PIEZO1: variants seen among roughly 807,000 people sequenced by gnomAD.
PIEZO1 encodes piezo-type mechanosensitive ion channel component 1.
PIEZO1 carries 296 observed loss-of-function variants against 297.2 expected under a neutral mutation model. That is an observed-to-expected ratio of 1.00 (90% CI 0.91 to 1.10). PIEZO1 has a LOEUF of 1.10. Ranked by LOEUF, PIEZO1 falls within the 50% of genes least tolerant of loss-of-function variation. PIEZO1 has a pLI of 0.00. For missense variants in PIEZO1, 5,018 were observed against 3,455.5 expected, an observed-to-expected ratio of 1.45 and a Z score of -11.34; for synonymous variants, 2,427 against 1,507.5, an observed-to-expected ratio of 1.61 and a Z score of -14.13.
intron 2 of PIEZO1, among the ~76,000 whole-genome samples, chr16:88,746,961 A>C (rs1441906824): frequency 6.6e-6 from 1 of 152,178 alleles, no homozygotes; most frequent in African/African-American, 2.4e-5. Context: ...CACCCCAGCC[A>C]TGCATCCTGG....
At chr16:88,751,294 T>A (rs999261617) in intron 1 of PIEZO1, among the ~76,000 whole-genome samples, 2 of 152,134 alleles carry the variant, frequency 1.3e-5, no homozygotes, top group Non-Finnish European at 2.9e-5. Context: ...TGGTGGGGCC[T>A]CCAGACCCAT....
At chr16:88,762,012 C>T (rs1555561532) in intron 1 of PIEZO1, among the ~76,000 whole-genome samples, 2 of 152,206 alleles carry the variant, frequency 1.3e-5, no homozygotes, top group Non-Finnish European at 1.5e-5. Flanking sequence ...GGGAGGAAAC[C>T]AGGGCTTATC....
intron 1 of PIEZO1, among the ~76,000 whole-genome samples, chr16:88,760,229 G>C (rs61178757): frequency 0.079 from 11,974 of 152,168 alleles, 1,593 homozygotes; most frequent in African/African-American, 0.27. Flanking sequence ...GCTCCCCCGG[G>C]GCGCTGGACC....
chr16:88,735,376 G>A, intron 12 of PIEZO1, 130 bp from the exon 13 acceptor site: 1 of 674,094 alleles, frequency 1.5e-6, no homozygotes, highest in South Asian at 1.7e-5. Flanking sequence ...ATCCACCGCA[G>A]CCTCCCCACA....
Position 88,723,160 on chromosome 16 carries a change from AG to A in PIEZO1, c.4439-10del, listed in dbSNP as rs1196379163. The A allele has an allele frequency of 6.5e-7, 1 of 1,549,384 alleles. No homozygotes were observed. Among genetic ancestry groups the A allele is most frequent in the South Asian group, 1.2e-5 (1 of 84,062 alleles). ...CTGGCTGGGACCACCTCCTGGGCAC[AG>A]GATGCTGGTGAGTGACTGGCAGTCC... On this transcript the variant is annotated splice_polypyrimidine_tract_variant and intron_variant, in intron 32 of 50. Coordinates refer to ENST00000301015, the MANE Select transcript of PIEZO1 (RefSeq NM_001142864.4).
chr16:88,722,168 G>A (rs374093504), intron 36 of PIEZO1, 50 bp downstream of exon 36: 1 of 1,527,440 alleles, frequency 6.5e-7, no homozygotes. Context: ...CTGTTCGGCT[G>A]CTCCCCGAGG....
At position 88,727,577 on chromosome 16, in the gene PIEZO1, G is replaced by T; in HGVS notation, c.3281C>A (p.Pro1094His). ...WLYLPDFFRA[P>H]NSTNLISDFL... ...CTCACTGATGAGGTTGGTGGAGTTG[G>T]GGGCCCGGAAGAAATCAGGCAGGTA... is the stretch of plus-strand genomic sequence containing the variant. Residue 1094 changes from proline (P) to histidine (H), a missense_variant, in exon 23 of 51, where the codon CCC becomes CAC. Coordinates refer to ENST00000301015, the MANE Select transcript of PIEZO1 (RefSeq NM_001142864.4). The T allele has an allele frequency of 6.6e-7, 1 of 1,522,716 alleles. No individual in the cohort carries two copies. The highest frequency in any genetic ancestry group is 8.9e-7 in the Non-Finnish European group (1 of 1,127,186). The allele number at this position is 1,522,716 out of a possible 1,614,324, so 94.3% of individuals were successfully genotyped here. A position where few individuals can be genotyped will look rare whatever the true frequency, so the allele number is the denominator to read the frequency against.
rs1019871753 is a variant in PIEZO1 at position 88,716,700 on chromosome 16, G to A, written c.6785C>T (p.Pro2262Leu). The A allele has an allele frequency of 1.5e-5, 23 of 1,548,474 alleles. No individual in the cohort carries two copies. The highest frequency in any genetic ancestry group is 2.7e-5 in the African/African-American group (2 of 73,066). Residue 2262 changes from proline to leucine, a missense_variant, in exon 47 of 51, where the codon CCT (proline) becomes CTT (leucine). Coordinates refer to ENST00000301015, the MANE Select transcript of PIEZO1 (RefSeq NM_001142864.4). ...LAMQFISQYS[P>L]EDIVTAQIEG... ...AATCTGCGCCGTGACGATGTCCTCA[G>A]GGCTGTACTGGCTGATGAACTGCAT...
chr16:88,727,092 G>A lies in PIEZO1; in HGVS notation c.3402C>T (p.Arg1134=). The A allele has an allele frequency of 6.5e-7, 1 of 1,549,884 alleles. No homozygotes were observed. The highest frequency in any genetic ancestry group is 8.7e-7 in the Non-Finnish European group (1 of 1,146,624). ...TGGGCTCCCCCCGCAGCGGCTCCAG[G>A]CGGTCGGTGTTGACGCCAGCCATGC... ...WQRMAGVNTD[R]LEPLRGEPNP... is the part of the protein sequence containing the mutation. Residue 1134 remains arginine, a synonymous_variant, in exon 24 of 51, where the codon CGC becomes CGT. Transcript: ENST00000301015.
At chr16:88,728,313 G>A (rs8053872) in intron 22 of PIEZO1, among the ~76,000 whole-genome samples, 1,689 of 152,374 alleles carry the variant, frequency 0.011, 34 homozygotes, top group African/African-American at 0.038. Context: ...AAGGACTGAG[G>A]GCATGGATGT....
intron 1 of PIEZO1, among the ~76,000 whole-genome samples, chr16:88,752,856 G>A (rs1032529346): frequency 2.6e-5 from 4 of 151,204 alleles, no homozygotes; most frequent in African/African-American, 9.7e-5. Context: ...ACGCCCCCCA[G>A]AGTTTGTTCA....
At chr16:88,781,697 C>G (rs1907945297) in intron 1 of PIEZO1, among the ~76,000 whole-genome samples, 1 of 152,270 alleles carries the variant, frequency 6.6e-6, no homozygotes, top group African/African-American at 2.4e-5. Flanking sequence ...GCACAGGCCT[C>G]CGAAGGGTGA....
intron 10 of PIEZO1, 29 bp downstream of exon 10, chr16:88,737,530 A>G (rs1191183397): frequency 2.1e-6 from 3 of 1,452,230 alleles, no homozygotes; most frequent in Non-Finnish European, 1.9e-6. Context: ...CCCCGCACCC[A>G]GCCATACCTT....
chr16:88,778,433 C>T (rs2142909415), intron 1 of PIEZO1, among the ~76,000 whole-genome samples: 1 of 152,350 alleles, frequency 6.6e-6, no homozygotes, highest in African/African-American at 2.4e-5. Context: ...CAGCCAAACC[C>T]TGCCGGCCCG....
At chr16:88,754,673 C>G (rs1175821643) in intron 1 of PIEZO1, among the ~76,000 whole-genome samples, 2 of 152,358 alleles carry the variant, frequency 1.3e-5, no homozygotes, top group Non-Finnish European at 2.9e-5. Flanking sequence ...AGGAGCCACA[C>G]AGAGACCCAA....
rs572597377 is a variant in PIEZO1 at position 88,719,785 on chromosome 16, G to A, written c.6323+17C>T. 8.4e-5 allele frequency: 131 copies of A among 1,550,326 alleles called. 1 individual carries two copies. The African/African-American group carries it at 9.2e-4, about 11-fold the overall frequency. ...ATGCCCGGGCCGTGACCCCCACCCCGGCGGACCTGCACTCACCCCTGGAAG... is the reference window on the plus strand; with the variant it reads ...ATGCCCGGGCCGTGACCCCCACCCCAGCGGACCTGCACTCACCCCTGGAAG... On this transcript the variant is annotated intron_variant, in intron 43 of 50. Coordinates refer to ENST00000301015, the MANE Select transcript of PIEZO1 (RefSeq NM_001142864.4).
chr16:88,716,844 C>A lies in PIEZO1; in HGVS notation c.6715G>T (p.Ala2239Ser). Reference protein sequence around the residue: ...QPSIIPFTAQAYEELSRQFDP... With the variant: ...QPSIIPFTAQSYEELSRQFDP... ...AACTGCCGGGACAGCTCCTCATAGGCCTGGGCCGTGAAGGGGATGATGGAC... is the reference window on the plus strand; with the variant it reads ...AACTGCCGGGACAGCTCCTCATAGGACTGGGCCGTGAAGGGGATGATGGAC... The change falls in exon 46 of 51, where the codon GCC (alanine) becomes TCC (serine). Residue 2239 changes from alanine to serine, a missense_variant. Ala to Ser is a moderately conservative substitution (Grantham distance 99, BLOSUM62 1). Coordinates refer to ENST00000301015, the MANE Select transcript of PIEZO1 (RefSeq NM_001142864.4). The A allele has an allele frequency of 6.5e-7, 1 of 1,550,130 alleles. No individual in the cohort carries two copies.
chr16:88,737,603 A>G lies in PIEZO1; in HGVS notation c.1151T>C (p.Ile384Thr). ...GCTCTGGCCGGTCAGCTCGTGCACG[A>G]TGCAGTTATCAGCCTCGGTGTCGGG... ...TAPDTEADNCIVHELTGQSSV... is the reference protein window; with the variant it reads ...TAPDTEADNCTVHELTGQSSV... Residue 384 changes from isoleucine (I) to threonine (T), a missense_variant, in exon 10 of 51, where the codon ATC (isoleucine) becomes ACC (threonine). Physicochemically the swap from Ile to Thr is moderately conservative, Grantham distance 89 (BLOSUM62 -1). Coordinates refer to ENST00000301015, the MANE Select transcript of PIEZO1 (RefSeq NM_001142864.4). 4 of 1,534,448 alleles carry G rather than the reference A, an allele frequency of 2.6e-6. No individual in the cohort carries two copies. Among genetic ancestry groups the G allele is most frequent in the Non-Finnish European group, 3.5e-6 (4 of 1,146,314 alleles).
At chr16:88,727,752 G>C in intron 22 of PIEZO1, 91 bp from the exon 23 acceptor site, 1 of 577,790 alleles carries the variant, frequency 1.7e-6, no homozygotes, top group Non-Finnish European at 3.0e-6. Flanking sequence ...TCTATCACCA[G>C]CCCTCAGGGT....
Sources: gnomAD v4.1 joint callset for allele counts (sites outside exome capture counted in the v4.1 genomes callset) on GRCh38, gnomAD v4.1.1 for gene constraint, MANE v1.5 for transcripts, NCBI Gene and HGNC (gene_info 2026-07-23, HGNC 2026-07-21) for gene names.